SSBP2: variants seen among roughly 807,000 people sequenced by gnomAD.
The protein encoded by SSBP2 is single stranded DNA binding protein 2.
SSBP2 carries 17 observed loss-of-function variants against 61.8 expected under a neutral mutation model. That is an observed-to-expected ratio of 0.28 (90% CI 0.19 to 0.41). SSBP2 has a LOEUF of 0.41. Ranked by LOEUF, SSBP2 falls within the 10% of genes least tolerant of loss-of-function variation. The pLI is 1.00. For synonymous variants in SSBP2, 139 were observed against 141.3 expected (o/e 0.98, Z 0.12); for missense variants, 310 against 458.7 (o/e 0.68, Z 2.96).
At chr5:81,573,796 C>A (rs1378425769) in intron 4 of SSBP2, among the ~76,000 whole-genome samples, 5 of 152,046 alleles carry the variant, frequency 3.3e-5, no homozygotes, top group African/African-American at 9.7e-5. Flanking sequence ...GACATAGAAA[C>A]CAGACCCCCT....
rs561978838 is a variant in SSBP2 at position 81,693,993 on chromosome 5, T to TA, written c.63-43655dup. Among the ~76,000 whole-genome samples, 8 of 150,524 alleles carry TA rather than the reference T, an allele frequency of 5.3e-5. No homozygotes were observed. In the South Asian group the frequency reaches 1.7e-3, roughly 32 times the overall value. Reference sequence around the variant, plus strand: ...TGCATATACAGAATGAAGTAGGCCATAAAAAAAAAGAATGAGATCCTGTCA... The same window carrying TA: ...TGCATATACAGAATGAAGTAGGCCATAAAAAAAAAAGAATGAGATCCTGTCA... On this transcript the variant is annotated intron_variant, in intron 1 of 16. Coordinates refer to ENST00000320672, the MANE Select transcript of SSBP2 (RefSeq NM_012446.5).
intron 1 of SSBP2, among the ~76,000 whole-genome samples, chr5:81,679,416 A>G (rs1484554452): frequency 6.6e-6 from 1 of 152,230 alleles, no homozygotes; most frequent in Non-Finnish European, 1.5e-5. Flanking sequence ...TGTAAGTAAA[A>G]TGAATGACAG....
chr5:81,654,156 G>A (rs1262178148), intron 1 of SSBP2, among the ~76,000 whole-genome samples: 1 of 151,936 alleles, frequency 6.6e-6, no homozygotes, highest in Non-Finnish European at 1.5e-5. Flanking sequence ...GTAAAGACAG[G>A]GTCTTGCTAT....
chr5:81,675,376 T>C (rs549756830), intron 1 of SSBP2, among the ~76,000 whole-genome samples: 1 of 152,272 alleles, frequency 6.6e-6, no homozygotes, highest in South Asian at 2.1e-4. Context: ...ACAGGGTGTA[T>C]ACTCTTCTAC....
At chr5:81,746,172 C>T (rs1423171402) in intron 1 of SSBP2, among the ~76,000 whole-genome samples, 1 of 152,094 alleles carries the variant, frequency 6.6e-6, no homozygotes, top group Non-Finnish European at 1.5e-5. Context: ...TAACTCTGAA[C>T]ATCTTACACA....
At chr5:81,592,228 C>G (rs1036200957) in intron 4 of SSBP2, among the ~76,000 whole-genome samples, 2 of 152,218 alleles carry the variant, frequency 1.3e-5, no homozygotes, top group African/African-American at 4.8e-5. Context: ...CACAGAGTCT[C>G]GCTCATTGCT....
intron 4 of SSBP2, among the ~76,000 whole-genome samples, chr5:81,562,863 T>C (rs1032987359): frequency 6.6e-6 from 1 of 152,156 alleles, no homozygotes; most frequent in Non-Finnish European, 1.5e-5. Context: ...AGCTGTGTGC[T>C]GAAAATTATA....
chr5:81,663,481 G>A (rs984710268), intron 1 of SSBP2, among the ~76,000 whole-genome samples: 2 of 152,092 alleles, frequency 1.3e-5, no homozygotes, highest in Non-Finnish European at 2.9e-5. Context: ...TACATTTTAT[G>A]TGCTAGTTAT....
intron 3 of SSBP2, among the ~76,000 whole-genome samples, chr5:81,635,293 T>C (rs1490436088): frequency 6.6e-6 from 1 of 152,214 alleles, no homozygotes. Flanking sequence ...CTCATGAATA[T>C]GCTTTTCCAG....
chr5:81,600,042 A>C (rs1194539435), intron 4 of SSBP2, among the ~76,000 whole-genome samples: 3 of 152,196 alleles, frequency 2.0e-5, no homozygotes, highest in Non-Finnish European at 4.4e-5. Context: ...GTGCCTGGCA[A>C]TGCCAATAAA....
intron 4 of SSBP2, among the ~76,000 whole-genome samples, chr5:81,611,806 CTGT>C (rs1260267319): frequency 1.3e-5 from 2 of 152,066 alleles, no homozygotes; most frequent in African/African-American, 4.8e-5. Flanking sequence ...TCATCCTGTT[CTGT>C]TTCTCTCTTT....
chr5:81,741,316 C>T (rs925946050), intron 1 of SSBP2, among the ~76,000 whole-genome samples: 1 of 152,078 alleles, frequency 6.6e-6, no homozygotes, highest in Non-Finnish European at 1.5e-5. Context: ...TGGTAGTTGT[C>T]AAGGGCACAT....
intron 11 of SSBP2, among the ~76,000 whole-genome samples, chr5:81,447,386 C>T (rs1763472777): frequency 6.6e-6 from 1 of 152,144 alleles, no homozygotes; most frequent in Non-Finnish European, 1.5e-5. Context: ...GCATCAATTG[C>T]AACGTTTCTG....
Position 81,556,368 on chromosome 5 carries a change from T to C in SSBP2, c.283-42651A>G, listed in dbSNP as rs1411259377. On this transcript the variant is annotated intron_variant, in intron 4 of 16. Transcript: ENST00000320672. The stretch of plus-strand genomic sequence containing the variant: ...AGTATCTTAGAAACCTATATTTCAA[T>C]AGCAAAGAAAGAAGGAGTCTCTTCC... 4.6e-5 allele frequency among the ~76,000 whole-genome samples: 7 copies of C among 152,046 alleles called. No individual in the cohort carries two copies. In the East Asian group the frequency reaches 1.3e-3, roughly 29 times the overall value.
chr5:81,606,866 C>T (rs1744928787), intron 4 of SSBP2, among the ~76,000 whole-genome samples: 1 of 152,192 alleles, frequency 6.6e-6, no homozygotes. Context: ...CATGATAAAA[C>T]AGGTTCCACA....
At chr5:81,751,374 G>C (rs1210527479), upstream of SSBP2, 13 of 470,734 alleles carry the variant, frequency 2.8e-5, no homozygotes, top group South Asian at 2.0e-4. Flanking sequence ...CCGGGCGCAA[G>C]GGGGGAATTA....
chr5:81,622,628 T>C (rs1581190300), intron 3 of SSBP2, among the ~76,000 whole-genome samples: 1 of 152,234 alleles, frequency 6.6e-6, no homozygotes, highest in African/African-American at 2.4e-5. Flanking sequence ...ATCAACACTA[T>C]AATTAGTTTG....
chr5:81,679,497 T>C (rs920337458), intron 1 of SSBP2, among the ~76,000 whole-genome samples: 4 of 152,208 alleles, frequency 2.6e-5, no homozygotes, highest in African/African-American at 7.2e-5. Flanking sequence ...ACTAACCATA[T>C]AGTGGTATAG....
rs189981711 is a variant in SSBP2 at position 81,562,201 on chromosome 5, C to G, written c.283-48484G>C. 2.0e-5 allele frequency among the ~76,000 whole-genome samples: 3 copies of G among 152,220 alleles called. No individual in the cohort carries two copies. The East Asian group carries it at 5.8e-4, about 29-fold the overall frequency. ...GATTACAGGCTTGAGCCACCGCCCCCGGCCAAGACCTTTTTATATTCATAT... is the reference window on the plus strand; with the variant it reads ...GATTACAGGCTTGAGCCACCGCCCCGGGCCAAGACCTTTTTATATTCATAT... On this transcript the variant is annotated intron_variant, in intron 4 of 16. Transcript: ENST00000320672.
Sources: gnomAD v4.1 joint callset for allele counts (sites outside exome capture counted in the v4.1 genomes callset) on GRCh38, gnomAD v4.1.1 for gene constraint, MANE v1.5 for transcripts, NCBI Gene and HGNC (gene_info 2026-07-23, HGNC 2026-07-21) for gene names.